ALK: variants seen among roughly 807,000 people sequenced by gnomAD.
ALK encodes the protein ALK tyrosine kinase receptor.
In ALK, 74 loss-of-function variants were observed where a neutral mutation model predicts 163.1. The observed-to-expected ratio is 0.45, with a 90% CI of 0.38 to 0.55. ALK has a LOEUF of 0.55. ALK is among the 20% of genes least tolerant of loss of function. The probability of loss-of-function intolerance (pLI) is 0.00; values close to 1 mark genes in which losing one functional copy is unlikely to be tolerated. For missense variants in ALK, 2,063 were observed against 2,105.3 expected (o/e 0.98, Z 0.39); for synonymous variants, 960 against 843.2 (o/e 1.14, Z -2.40).
At chr2:29,823,961 C>G (rs972384605) in intron 1 of ALK, among the ~76,000 whole-genome samples, 1 of 152,196 alleles carries the variant, frequency 6.6e-6, no homozygotes. Flanking sequence ...CTCCCCCCAT[C>G]ACAGGCCCAG....
intron 3 of ALK, among the ~76,000 whole-genome samples, chr2:29,670,194 GA>G (rs1677639497): frequency 6.6e-6 from 1 of 152,054 alleles, no homozygotes; most frequent in South Asian, 2.1e-4. Flanking sequence ...TTTCTTTTAA[GA>G]AGAGTATGGT....
chr2:29,898,193 C>G (rs1028105981), intron 1 of ALK, among the ~76,000 whole-genome samples: 1 of 152,256 alleles, frequency 6.6e-6, no homozygotes, highest in South Asian at 2.1e-4. Context: ...CTGTCCATAG[C>G]AGGCCTGTCT....
chr2:29,690,615 G>T (rs1458464972), intron 3 of ALK, among the ~76,000 whole-genome samples: 4 of 152,236 alleles, frequency 2.6e-5, no homozygotes, highest in African/African-American at 7.2e-5. Flanking sequence ...CCATCTGATG[G>T]TTCTTCAAGA....
At chr2:29,848,051 A>G (rs113843782) in intron 1 of ALK, among the ~76,000 whole-genome samples, 12 of 152,124 alleles carry the variant, frequency 7.9e-5, no homozygotes, top group African/African-American at 1.2e-4. Context: ...ATTTCCAAGT[A>G]TCCAAAAAGT....
chr2:29,537,551 G>C (rs1383978723), intron 3 of ALK, among the ~76,000 whole-genome samples: 1 of 152,248 alleles, frequency 6.6e-6, no homozygotes, highest in Non-Finnish European at 1.5e-5. Context: ...CTACCACTGG[G>C]GCAGAGCCCT....
intron 1 of ALK, among the ~76,000 whole-genome samples, chr2:29,790,331 G>A (rs1015710953): frequency 6.6e-6 from 1 of 152,114 alleles, no homozygotes; most frequent in Admixed American, 6.5e-5. Flanking sequence ...GCCTCCAAGA[G>A]CCATGTCTAT....
chr2:29,271,407 A>G (rs1222566027), intron 11 of ALK, among the ~76,000 whole-genome samples: 2 of 152,234 alleles, frequency 1.3e-5, no homozygotes, highest in Non-Finnish European at 2.9e-5. Context: ...GAAAGTGGAC[A>G]GCCTGTCACC....
chr2:29,202,000 C>T (rs554718398), intron 26 of ALK, among the ~76,000 whole-genome samples: 3 of 152,182 alleles, frequency 2.0e-5, no homozygotes, highest in East Asian at 1.9e-4. Context: ...ACCCTTCAAC[C>T]GGCATCCCAT....
At chr2:29,392,784 T>C (rs1258164701) in intron 4 of ALK, among the ~76,000 whole-genome samples, 2 of 152,220 alleles carry the variant, frequency 1.3e-5, no homozygotes, top group Non-Finnish European at 2.9e-5. Context: ...GGACTTCGTG[T>C]GACTAATTTG....
chr2:29,527,594 A>G (rs192423660), intron 4 of ALK, among the ~76,000 whole-genome samples: 123 of 152,060 alleles, frequency 8.1e-4, no homozygotes, highest in Non-Finnish European at 1.6e-3. Flanking sequence ...TGCAGCCTCA[A>G]CCTCTTGGGC....
At chr2:29,390,665 A>G (rs2148306833) in intron 4 of ALK, among the ~76,000 whole-genome samples, 1 of 152,294 alleles carries the variant, frequency 6.6e-6, no homozygotes, top group East Asian at 1.9e-4. Flanking sequence ...CTTAAAATAT[A>G]CTTTGTAGTA....
intron 12 of ALK, among the ~76,000 whole-genome samples, chr2:29,248,919 G>T (rs1191944788): frequency 6.6e-6 from 1 of 152,260 alleles, no homozygotes; most frequent in African/African-American, 2.4e-5. Flanking sequence ...CGCGTATGGG[G>T]TCGGCGTGTT....
At chr2:29,740,916 C>T (rs1414135221) in intron 1 of ALK, among the ~76,000 whole-genome samples, 9 of 152,072 alleles carry the variant, frequency 5.9e-5, no homozygotes, top group Admixed American at 3.9e-4. Flanking sequence ...GCAGGAGAAT[C>T]GCCTGAACCC....
intron 1 of ALK, among the ~76,000 whole-genome samples, chr2:29,809,671 C>G (rs1226192600): frequency 6.6e-6 from 1 of 152,210 alleles, no homozygotes; most frequent in South Asian, 2.1e-4. Context: ...TACTTCCCAT[C>G]TTCAGATGCA....
intron 16 of ALK, 100 bp downstream of exon 16, chr2:29,228,784 T>A: frequency 1.2e-6 from 1 of 812,808 alleles, no homozygotes; most frequent in Non-Finnish European, 2.1e-6. Context: ...AGTCCACACT[T>A]GGGCAGGCCA....
At chr2:29,889,176 C>T (rs1262758219) in intron 1 of ALK, among the ~76,000 whole-genome samples, 1 of 151,984 alleles carries the variant, frequency 6.6e-6, no homozygotes, top group African/African-American at 2.4e-5. Flanking sequence ...TTTTAAAGCA[C>T]ATTTAAATAG....
intron 1 of ALK, among the ~76,000 whole-genome samples, chr2:29,886,307 A>G (rs1028206265): frequency 1.3e-5 from 2 of 152,228 alleles, no homozygotes; most frequent in African/African-American, 4.8e-5. Context: ...GTTTTTGGGA[A>G]GTCAAATGTT....
intron 12 of ALK, among the ~76,000 whole-genome samples, chr2:29,248,838 T>G (rs1400160089): frequency 6.6e-6 from 1 of 152,224 alleles, no homozygotes; most frequent in Non-Finnish European, 1.5e-5. Context: ...CAGTCCAAAT[T>G]TTTCAGAATA....
chr2:29,546,912 A>G (rs140263756), intron 3 of ALK, among the ~76,000 whole-genome samples: 125 of 152,326 alleles, frequency 8.2e-4, no homozygotes, highest in African/African-American at 2.7e-3. Context: ...AAGAAGGAGC[A>G]TGGAACGTGG....
Sources: gnomAD v4.1 joint callset for allele counts (sites outside exome capture counted in the v4.1 genomes callset) on GRCh38, gnomAD v4.1.1 for gene constraint, MANE v1.5 for transcripts, NCBI Gene and HGNC (gene_info 2026-07-23, HGNC 2026-07-21) for gene names.